The following IFNLR1 variants were observed in gnomAD, a reference collection of about 807,000 sequenced individuals.
IFNLR1 encodes CRF2-12.
Under a neutral mutation model 52.5 loss-of-function variants are expected in IFNLR1, and 28 were observed. The ratio of observed to expected loss-of-function variants is 0.53; its 90% CI spans 0.40 to 0.73. IFNLR1 has a LOEUF of 0.73. Among genes scored for constraint, IFNLR1 ranks in the 30% least tolerant of loss-of-function variants. The pLI is 0.00. For missense variants in IFNLR1, 623 were observed against 659.1 expected, an observed-to-expected ratio of 0.95 and a Z score of 0.60; for synonymous variants, 276 against 274.9, an observed-to-expected ratio of 1.00 and a Z score of -0.04.
chr1:24,157,989 C>A lies in IFNLR1; in HGVS notation c.802-98G>T. On this transcript the variant is annotated intron_variant, in intron 6 of 6. Transcript: ENST00000327535. This position sits in a 1 kb window ranked among gnomAD's most constrained non-coding sequence, Gnocchi z 5.1. ...CCCTAGAAACAGACCTCAGACAAGG[C>A]TTCAAGTGTAAGCAGTTTCTTTGGG... 2 of 1,177,276 alleles carry A rather than the reference C, an allele frequency of 1.7e-6. No individual in the cohort carries two copies. The highest frequency in any genetic ancestry group is 3.1e-5 in the South Asian group (2 of 65,522). 72.9% of individuals were successfully genotyped at this position (1,177,276 alleles called of 1,614,324 possible).
intron 6 of IFNLR1, 166 bp downstream of exon 6, chr1:24,158,886 C>T (rs1644409415): frequency 1.3e-6 from 1 of 770,964 alleles, no homozygotes; most frequent in East Asian, 2.5e-5. Flanking sequence ...TTATTCAGGA[C>T]TAAATGAATG....
In IFNLR1 at chr1:24,166,176, C is replaced by CCCATCCAT. The variant is rs143399355; in HGVS notation, c.367+3233_367+3240dup. Among the ~76,000 whole-genome samples the CCCATCCAT allele has an allele frequency of 9.0e-3, 1,342 of 149,454 alleles. 28 individuals carry two copies. The highest frequency in any genetic ancestry group is 0.031 in the African/African-American group (1,271 of 40,552). ...CTGCCTTCTTATCCTTCCTTTCCTT[C>CCCATCCAT]CCATCCATCCATCCATCCATCCATC... On this transcript the variant is annotated intron_variant, in intron 3 of 6. Transcript: ENST00000327535.
intron 4 of IFNLR1, among the ~76,000 whole-genome samples, chr1:24,161,012 C>T (rs1644436879): frequency 6.6e-6 from 1 of 152,122 alleles, no homozygotes. Context: ...CAGGCATGAG[C>T]CACCGCACCT....
At chr1:24,167,505 C>T (rs1644531662) in intron 3 of IFNLR1, among the ~76,000 whole-genome samples, 3 of 151,910 alleles carry the variant, frequency 2.0e-5, no homozygotes, top group Admixed American at 2.0e-4. Context: ...CTGCCTCAGC[C>T]TCCTGAGTAG....
chr1:24,167,467 C>T (rs1644531500), intron 3 of IFNLR1, among the ~76,000 whole-genome samples: 1 of 151,942 alleles, frequency 6.6e-6, no homozygotes, highest in Non-Finnish European at 1.5e-5. Flanking sequence ...TCACTGCAAC[C>T]TCTGCTTCCC....
Position 24,180,767 on chromosome 1 carries a change from T to A in IFNLR1, c.146A>T (p.Asn49Ile), listed in dbSNP as rs779348201. The change falls in exon 2 of 7, where the codon AAC becomes ATC. Residue 49 changes from asparagine (N) to isoleucine (I), a missense_variant. Coordinates refer to ENST00000327535, the MANE Select transcript of IFNLR1 (RefSeq NM_170743.4). Reference protein sequence around the residue: ...VYLTWLPGLGNPQDVTYFVAY... With the variant: ...VYLTWLPGLGIPQDVTYFVAY... ...CACAAAATAGGTCACATCCTGGGGGTTGCCAAGCCCTGGGAGCCATGTCAG... is the reference window on the plus strand; with the variant it reads ...CACAAAATAGGTCACATCCTGGGGGATGCCAAGCCCTGGGAGCCATGTCAG... The A allele has an allele frequency of 6.8e-7, 1 of 1,473,700 alleles. No homozygotes were observed. The highest frequency in any genetic ancestry group is 9.1e-7 in the Non-Finnish European group (1 of 1,097,882). 91.3% of individuals were successfully genotyped at this position (1,473,700 alleles called of 1,614,324 possible). A position where few individuals can be genotyped will look rare whatever the true frequency, so the allele number is the denominator to read the frequency against.
intron 1 of IFNLR1, 52 bp downstream of exon 1, chr1:24,187,139 C>T: frequency 8.1e-7 from 1 of 1,229,828 alleles, no homozygotes; most frequent in South Asian, 1.7e-5. Context: ...GTAGGCGCGG[C>T]CCGGCCCGGG....
chr1:24,180,506 C>G (rs1644678139), intron 2 of IFNLR1, among the ~76,000 whole-genome samples: 1 of 152,106 alleles, frequency 6.6e-6, no homozygotes, highest in Non-Finnish European at 1.5e-5. Context: ...TACCCCCGCC[C>G]CGGCAGACTG....
intron 2 of IFNLR1, among the ~76,000 whole-genome samples, chr1:24,170,311 A>T (rs1020135859): frequency 2.0e-5 from 3 of 152,204 alleles, no homozygotes; most frequent in Admixed American, 6.5e-5. Context: ...GTATTTTGTT[A>T]AAGCAGTACA....
At chr1:24,166,746 T>C (rs1489780533) in intron 3 of IFNLR1, among the ~76,000 whole-genome samples, 2 of 150,494 alleles carry the variant, frequency 1.3e-5, no homozygotes, top group African/African-American at 4.9e-5. Flanking sequence ...AGAGACGAGG[T>C]CTCCCTATGT....
In IFNLR1 at chr1:24,179,084, G is replaced by A. The variant is rs138310498; in HGVS notation, c.182+1647C>T. ...AGCCTCCCAAGTAGCTGGGAACACA[G>A]GCACATGCTACTACACTTCACTAAT... On this transcript the variant is annotated intron_variant, in intron 2 of 6. Transcript: ENST00000327535. Among the ~76,000 whole-genome samples, 846 of 151,986 alleles carry A rather than the reference G, an allele frequency of 5.6e-3. 4 individuals carry two copies. The highest frequency in any genetic ancestry group is 0.01 in the Middle Eastern group (3 of 294).
intron 4 of IFNLR1, among the ~76,000 whole-genome samples, chr1:24,160,883 A>G: frequency 6.8e-6 from 1 of 147,448 alleles, no homozygotes; most frequent in Non-Finnish European, 1.5e-5. Flanking sequence ...ATGCATCACC[A>G]CACCCAGCTT....
chr1:24,159,737 G>GTTTTTTTTTTTTTTTGTT, intron 4 of IFNLR1, 104 bp from the exon 5 acceptor site: 1 of 458,762 alleles, frequency 2.2e-6, no homozygotes, highest in Non-Finnish European at 3.3e-6. Context: ...TTTTTTTTTT[G>GTTTTTTTTTTTTTTTGTT]TTTTTTTTTT....
intron 1 of IFNLR1, among the ~76,000 whole-genome samples, chr1:24,186,105 C>G (rs1644735635): frequency 6.6e-6 from 1 of 152,074 alleles, no homozygotes; most frequent in Admixed American, 6.5e-5. Flanking sequence ...GAAAGGGGAA[C>G]AGAAGACCCC....
In IFNLR1 at chr1:24,157,183, T is replaced by C; in HGVS notation, c.1510A>G (p.Thr504Ala). Reference sequence around the variant, plus strand: ...CGGCCCCTGTCCTCGGTCCTCTGGGTGCTCTCAGCCCCCCAGCTGCCCGCA... The same window carrying C: ...CGGCCCCTGTCCTCGGTCCTCTGGGCGCTCTCAGCCCCCCAGCTGCCCGCA... ...SDAGSWGAESTQRTEDRGRTL... is the reference protein window; with the variant it reads ...SDAGSWGAESAQRTEDRGRTL... Residue 504 changes from threonine (T) to alanine (A), a missense_variant, in exon 7 of 7, where the codon ACC (threonine) becomes GCC (alanine). Physicochemically the swap from Thr to Ala is moderately conservative, Grantham distance 58 (BLOSUM62 0). Transcript: ENST00000327535. This position sits in a 1 kb window ranked among gnomAD's most constrained non-coding sequence, Gnocchi z 5.1. 6.2e-7 allele frequency: 1 copy of C among 1,614,040 alleles called. No homozygotes were observed. Among genetic ancestry groups the C allele is most frequent in the South Asian group, 1.1e-5 (1 of 91,082 alleles).
chr1:24,159,173 C>T lies in IFNLR1; in HGVS notation c.680G>A (p.Trp227Ter). The T allele has an allele frequency of 6.2e-7, 1 of 1,614,106 alleles. No homozygotes were observed. The highest frequency in any genetic ancestry group is 8.5e-7 in the Non-Finnish European group (1 of 1,180,014). Residue 227 changes from tryptophan (W) to a stop codon, truncating the protein, a stop_gained, in exon 6 of 7, where the codon TGG becomes TAG. Coordinates refer to ENST00000327535, the MANE Select transcript of IFNLR1 (RefSeq NM_170743.4). LOFTEE classifies it high-confidence loss of function. ...AAGCGATGGCAGCACCAGGAAAGCC[C>T]AGTTGGCTTCTAAGGAAGGAAAAAT... ...CFLLEVPEAN[W>*]AFLVLPSLLI...
chr1:24,181,360 G>C (rs765907619), intron 1 of IFNLR1, among the ~76,000 whole-genome samples: 12 of 152,218 alleles, frequency 7.9e-5, no homozygotes, highest in Non-Finnish European at 1.2e-4. Context: ...GCCACACTCA[G>C]ATGGTCCAAG....
At chr1:24,183,012 T>G (rs2148604338) in intron 1 of IFNLR1, among the ~76,000 whole-genome samples, 1 of 152,332 alleles carries the variant, frequency 6.6e-6, no homozygotes, top group South Asian at 2.1e-4. Flanking sequence ...CTGACAGCTT[T>G]ACCTACTTCT....
At chr1:24,177,601 T>G (rs1644646106) in intron 2 of IFNLR1, among the ~76,000 whole-genome samples, 1 of 152,142 alleles carries the variant, frequency 6.6e-6, no homozygotes, top group African/African-American at 2.4e-5. Flanking sequence ...CCACACTGAG[T>G]GAGGACGAGT....
Sources: allele counts gnomAD v4.1 joint callset (sites outside exome capture counted in the v4.1 genomes callset), GRCh38; gene constraint gnomAD v4.1.1; non-coding constraint Gnocchi (gnomAD v3.1); transcripts MANE v1.5; gene names NCBI Gene and HGNC (gene_info 2026-07-23, HGNC 2026-07-21).